NTM: variants seen among roughly 807,000 people sequenced by gnomAD.
The protein encoded by NTM is IgLON family member 2.
A neutral mutation model predicts 42.1 loss-of-function variants in NTM; 13 were observed. The ratio of observed to expected loss-of-function variants is 0.31; its 90% confidence interval spans 0.20 to 0.49. NTM has a LOEUF of 0.49. NTM is among the 20% of genes least tolerant of loss of function. The pLI is 0.99. For missense variants in NTM, 373 were observed against 452.8 expected, an observed-to-expected ratio of 0.82 and a Z score of 1.60; for synonymous variants, 187 against 179.2, an observed-to-expected ratio of 1.04 and a Z score of -0.35.
intron 1 of NTM, among the ~76,000 whole-genome samples, chr11:131,669,505 T>C (rs943548746): frequency 3.3e-5 from 5 of 152,140 alleles, no homozygotes; most frequent in African/African-American, 1.2e-4. Context: ...GAGTGAAGGT[T>C]GTAGAGCTGG....
intron 1 of NTM, among the ~76,000 whole-genome samples, chr11:131,591,345 C>T (rs2059350436): frequency 6.6e-6 from 1 of 152,186 alleles, no homozygotes; most frequent in African/African-American, 2.4e-5. Context: ...GTGCTGTGCT[C>T]AGAGGCCCTG....
chr11:132,317,694 A>C (rs1158931122), intron 7 of NTM: 4 of 1,302,366 alleles, frequency 3.1e-6, no homozygotes, highest in Non-Finnish European at 4.1e-6. Flanking sequence ...TTGCAAGGTC[A>C]GTATCTTCCT....
intron 1 of NTM, among the ~76,000 whole-genome samples, chr11:131,867,251 C>T (rs1358543223): frequency 1.3e-5 from 2 of 152,172 alleles, no homozygotes; most frequent in Non-Finnish European, 2.9e-5. Flanking sequence ...CTCAGGGATG[C>T]CTAAACGCAG....
intron 1 of NTM, among the ~76,000 whole-genome samples, chr11:131,412,077 C>T (rs1241458754): frequency 6.6e-6 from 1 of 152,144 alleles, no homozygotes; most frequent in Non-Finnish European, 1.5e-5. Flanking sequence ...AGTGTCAATG[C>T]AATTCTAAGA....
chr11:131,465,793 A>G (rs969078839), intron 1 of NTM, among the ~76,000 whole-genome samples: 12 of 149,574 alleles, frequency 8.0e-5, no homozygotes, highest in African/African-American at 3.1e-4. Flanking sequence ...TCGGTTCTGC[A>G]GGGCCATGTG....
At chr11:131,543,142 G>A (rs2053503935) in intron 1 of NTM, among the ~76,000 whole-genome samples, 1 of 152,176 alleles carries the variant, frequency 6.6e-6, no homozygotes, top group African/African-American at 2.4e-5. Context: ...TGAGCCAGTT[G>A]AAACGCTGCC....
intron 1 of NTM, among the ~76,000 whole-genome samples, chr11:131,897,536 C>T (rs1043547175): frequency 1.3e-5 from 2 of 152,158 alleles, no homozygotes; most frequent in Non-Finnish European, 2.9e-5. Context: ...GTTAGACACC[C>T]AGTGCCTTAG....
chr11:131,441,754 A>G (rs1949644133), intron 1 of NTM, among the ~76,000 whole-genome samples: 1 of 152,226 alleles, frequency 6.6e-6, no homozygotes, highest in Non-Finnish European at 1.5e-5. Context: ...AGTCCATTGA[A>G]TTCACAGACT....
At chr11:131,400,714 C>T (rs528017959) in intron 1 of NTM, among the ~76,000 whole-genome samples, 1 of 152,122 alleles carries the variant, frequency 6.6e-6, no homozygotes. Flanking sequence ...ACAGAGAAAC[C>T]CTATGTACTG....
chr11:131,933,691 T>A (rs2058885871), intron 2 of NTM, among the ~76,000 whole-genome samples: 1 of 152,000 alleles, frequency 6.6e-6, no homozygotes, highest in African/African-American at 2.4e-5. Flanking sequence ...CTTCTTAACC[T>A]ATACCCAAGC....
intron 1 of NTM, among the ~76,000 whole-genome samples, chr11:131,760,666 G>T (rs1289375375): frequency 6.6e-6 from 1 of 152,166 alleles, no homozygotes; most frequent in Non-Finnish European, 1.5e-5. Flanking sequence ...TCAGTGCTGT[G>T]TGGGGGCCGG....
intron 1 of NTM, among the ~76,000 whole-genome samples, chr11:131,713,933 G>A (rs2077420240): frequency 6.6e-6 from 1 of 152,206 alleles, no homozygotes; most frequent in South Asian, 2.1e-4. Context: ...CCTTTGACTT[G>A]GACTTTGTTA....
chr11:131,611,416 C>T (rs755456472), intron 1 of NTM, among the ~76,000 whole-genome samples: 16 of 152,302 alleles, frequency 1.1e-4, no homozygotes, highest in Middle Eastern at 3.4e-3. Context: ...ACACGCTACA[C>T]GCTGCATATG....
At chr11:132,169,153 T>A (rs1591977238) in intron 3 of NTM, among the ~76,000 whole-genome samples, 1 of 151,926 alleles carries the variant, frequency 6.6e-6, no homozygotes, top group South Asian at 2.1e-4. Context: ...TTCATTCTTG[T>A]TTTCTCTTAC....
chr11:131,482,698 T>A (rs1388219951), intron 1 of NTM, among the ~76,000 whole-genome samples: 1 of 152,190 alleles, frequency 6.6e-6, no homozygotes, highest in Non-Finnish European at 1.5e-5. Flanking sequence ...CCAAAAGAGA[T>A]TTCTACCTCA....
chr11:131,926,809 A>T (rs562235340), intron 2 of NTM, among the ~76,000 whole-genome samples: 1 of 152,324 alleles, frequency 6.6e-6, no homozygotes, highest in East Asian at 1.9e-4. Context: ...CAGCACACAC[A>T]TCCAGCCGCG....
At chr11:131,524,510 A>G (rs1464404329) in intron 1 of NTM, among the ~76,000 whole-genome samples, 1 of 152,246 alleles carries the variant, frequency 6.6e-6, no homozygotes, top group East Asian at 1.9e-4. Context: ...CACCAGGGTC[A>G]TGCTCTAGAA....
chr11:131,623,132 C>A (rs932137035), intron 1 of NTM, among the ~76,000 whole-genome samples: 1 of 152,204 alleles, frequency 6.6e-6, no homozygotes, highest in Non-Finnish European at 1.5e-5. Flanking sequence ...GCCCACCATG[C>A]AGTGGAGAGA....
chr11:131,950,230 C>T (rs1372828685), intron 2 of NTM, among the ~76,000 whole-genome samples: 1 of 152,266 alleles, frequency 6.6e-6, no homozygotes, highest in East Asian at 1.9e-4. Context: ...GGCAGGTGAC[C>T]CAGAAGGGTC....
Sources: gnomAD v4.1 joint callset for allele counts (sites outside exome capture counted in the v4.1 genomes callset) on GRCh38, gnomAD v4.1.1 for gene constraint, MANE v1.5 for transcripts, NCBI Gene and HGNC (gene_info 2026-07-23, HGNC 2026-07-21) for gene names.